Variants in NCAM2 observed in about 807,000 individuals in gnomAD.
The protein encoded by NCAM2 is neural cell adhesion molecule 2.
A neutral mutation model predicts 98.1 loss-of-function variants in NCAM2; 30 were observed. The observed-to-expected ratio is 0.31, with a 90% CI of 0.23 to 0.41. NCAM2 has a LOEUF of 0.41. Ranked by LOEUF, NCAM2 falls within the 10% of genes least tolerant of loss-of-function variation. The probability of loss-of-function intolerance (pLI) is 1.00; values close to 1 mark genes in which losing one functional copy is unlikely to be tolerated. For missense variants in NCAM2, 867 were observed against 1,005.8 expected (o/e 0.86, Z 1.87); for synonymous variants, 368 against 342.4 (o/e 1.07, Z -0.83).
chr21:21,400,170 G>A (rs1179454510), intron 9 of NCAM2, among the ~76,000 whole-genome samples: 15 of 152,164 alleles, frequency 9.9e-5, no homozygotes, highest in Non-Finnish European at 1.5e-5. Flanking sequence ...AAACATTGAG[G>A]AAGGTGACAC....
intron 1 of NCAM2, among the ~76,000 whole-genome samples, chr21:21,272,328 G>A (rs1034820882): frequency 2.0e-5 from 3 of 152,120 alleles, no homozygotes; most frequent in Non-Finnish European, 4.4e-5. Context: ...GTGTTGGACT[G>A]GTAACCACTT....
intron 1 of NCAM2, among the ~76,000 whole-genome samples, chr21:21,262,719 G>C (rs1259967393): frequency 6.9e-6 from 1 of 144,530 alleles, no homozygotes; most frequent in South Asian, 2.3e-4. Context: ...AGATGTATTA[G>C]TCCATTTTCA....
intron 1 of NCAM2, among the ~76,000 whole-genome samples, chr21:21,014,423 CA>C (rs71193391): frequency 0.015 from 1,547 of 100,696 alleles, 14 homozygotes; most frequent in Admixed American, 0.033. Flanking sequence ...GACTCCATCT[CA>C]AAAAAAAAAA....
intron 1 of NCAM2, among the ~76,000 whole-genome samples, chr21:21,193,348 A>G (rs1601610814): frequency 6.6e-6 from 1 of 152,162 alleles, no homozygotes; most frequent in Admixed American, 6.5e-5. Context: ...AGAAAAGACA[A>G]AGCTACTTAG....
At chr21:21,211,977 C>T (rs1275134521) in intron 1 of NCAM2, among the ~76,000 whole-genome samples, 2 of 152,192 alleles carry the variant, frequency 1.3e-5, no homozygotes, top group South Asian at 4.2e-4. Context: ...ATAGTACAGC[C>T]ACTTGTGAAA....
At chr21:21,299,316 T>C (rs2073620519) in intron 5 of NCAM2, among the ~76,000 whole-genome samples, 1 of 151,560 alleles carries the variant, frequency 6.6e-6, no homozygotes, top group East Asian at 2.0e-4. Context: ...TTTTTTTGCT[T>C]GTGTCATATC....
chr21:21,226,384 A>C (rs979657886), intron 1 of NCAM2, among the ~76,000 whole-genome samples: 36 of 152,276 alleles, frequency 2.4e-4, no homozygotes, highest in African/African-American at 8.7e-4. Flanking sequence ...AAACAAATGT[A>C]TGTGAGTTAG....
intron 1 of NCAM2, among the ~76,000 whole-genome samples, chr21:21,099,861 C>T (rs912406001): frequency 6.6e-6 from 1 of 151,974 alleles, no homozygotes; most frequent in Non-Finnish European, 1.5e-5. Context: ...TACTTCTACA[C>T]TACTGACCGT....
At chr21:21,511,293 G>A (rs533587453) in intron 16 of NCAM2, among the ~76,000 whole-genome samples, 147 of 151,750 alleles carry the variant, frequency 9.7e-4, no homozygotes, top group African/African-American at 3.5e-3. Context: ...TGTTACCTTT[G>A]CTAGCCTCTG....
chr21:21,424,026 T>C (rs1201723105), intron 11 of NCAM2, among the ~76,000 whole-genome samples: 1 of 152,216 alleles, frequency 6.6e-6, no homozygotes, highest in African/African-American at 2.4e-5. Context: ...ATGTTAAAAT[T>C]AGTTCATTTG....
chr21:21,411,013 A>T lies in NCAM2; in HGVS notation c.1383+552A>T, dbSNP rs1307564187. On this transcript the variant is annotated intron_variant, in intron 10 of 17. Coordinates refer to ENST00000400546, the MANE Select transcript of NCAM2 (RefSeq NM_004540.5). ...AGAGCGAGACTCCGTCTTAAAAAAAAAAATATATATATATATATACACACA... is the reference window on the plus strand; with the variant it reads ...AGAGCGAGACTCCGTCTTAAAAAAATAAATATATATATATATATACACACA... Among the ~76,000 whole-genome samples, 277 of 67,584 alleles carry T rather than the reference A, an allele frequency of 4.1e-3. 8 individuals carry two copies. The highest frequency in any genetic ancestry group is 0.012 in the African/African-American group (212 of 17,566). 44.3% of individuals were successfully genotyped at this position (67,584 alleles called of 152,430 possible). A position where few individuals can be genotyped will look rare whatever the true frequency, so the allele number is the denominator to read the frequency against.
intron 16 of NCAM2, among the ~76,000 whole-genome samples, chr21:21,510,570 G>A (rs73326886): frequency 0.013 from 1,901 of 141,006 alleles, 40 homozygotes; most frequent in African/African-American, 0.048. Context: ...CTGTTGAAGC[G>A]TGGAAGGTCT....
At chr21:21,372,981 A>G (rs146788773) in intron 8 of NCAM2, among the ~76,000 whole-genome samples, 275 of 151,952 alleles carry the variant, frequency 1.8e-3, no homozygotes, top group African/African-American at 6.5e-3. Flanking sequence ...TATAAAAATG[A>G]ATAATTTGCT....
At chr21:21,481,993 G>T (rs1359277661) in intron 15 of NCAM2, among the ~76,000 whole-genome samples, 1 of 152,036 alleles carries the variant, frequency 6.6e-6, no homozygotes, top group Admixed American at 6.6e-5. Flanking sequence ...AGCTACTCAG[G>T]AGGCTGAGAC....
At chr21:21,265,534 T>C (rs1291370157) in intron 1 of NCAM2, among the ~76,000 whole-genome samples, 1 of 106,738 alleles carries the variant, frequency 9.4e-6, no homozygotes, top group Non-Finnish European at 2.1e-5. Context: ...CACATATGTG[T>C]GTATGTATAT....
intron 11 of NCAM2, among the ~76,000 whole-genome samples, chr21:21,419,563 A>G (rs2077068847): frequency 8.1e-6 from 1 of 123,352 alleles, no homozygotes; most frequent in African/African-American, 3.2e-5. Context: ...TCCTGTGTCC[A>G]TGTGTTCTCA....
intron 5 of NCAM2, among the ~76,000 whole-genome samples, chr21:21,313,070 T>C (rs1361085197): frequency 6.6e-6 from 1 of 151,938 alleles, no homozygotes; most frequent in Non-Finnish European, 1.5e-5. Flanking sequence ...TGTGCTGATA[T>C]CTCTTCTTTC....
chr21:21,432,235 A>G lies in NCAM2; in HGVS notation c.1608A>G (p.Glu536=), dbSNP rs925744808. 2 of 1,614,046 alleles carry G rather than the reference A, an allele frequency of 1.2e-6. No individual in the cohort carries two copies. The highest frequency in any genetic ancestry group is 1.7e-5 in the Admixed American group (1 of 60,014). ...PIHHYQVDVK[E]VASEIWKIVR... is the part of the protein sequence containing the mutation. ...ATCACTATCAGGTGGATGTCAAAGA[A>G]GTAGCGTCAGAAATCTGGAAAATTG... is the stretch of plus-strand genomic sequence containing the variant. The change falls in exon 12 of 18, where the codon GAA becomes GAG. Residue 536 remains glutamate (E), a synonymous_variant. Coordinates refer to ENST00000400546, the MANE Select transcript of NCAM2 (RefSeq NM_004540.5).
intron 1 of NCAM2, among the ~76,000 whole-genome samples, chr21:21,186,094 G>A (rs2068632515): frequency 6.6e-6 from 1 of 151,754 alleles, no homozygotes; most frequent in South Asian, 2.1e-4. Flanking sequence ...ATGCATGAGG[G>A]GTTTTTTTTG....
Sources: allele counts gnomAD v4.1 joint callset (sites outside exome capture counted in the v4.1 genomes callset), GRCh38; gene constraint gnomAD v4.1.1; transcripts MANE v1.5; gene names NCBI Gene and HGNC (gene_info 2026-07-23, HGNC 2026-07-21).